CYP2C19: variants seen among roughly 807,000 people sequenced by gnomAD.
CYP2C19 encodes the protein cytochrome P450 family 2 subfamily C member 19.
Under a neutral mutation model 40.9 loss-of-function variants are expected in CYP2C19, and 59 were observed. The ratio of observed to expected loss-of-function variants is 1.44; its 90% CI spans 1.17 to 1.79. The LOEUF is 1.79. CYP2C19 is among the 40% of genes most tolerant of loss of function. CYP2C19 has a pLI of 0.00. For missense variants in CYP2C19, 754 were observed against 596.9 expected, an observed-to-expected ratio of 1.26 and a Z score of -2.74; for synonymous variants, 253 against 208.7, an observed-to-expected ratio of 1.21 and a Z score of -1.83.
At chr10:94,818,939 T>G (rs1481889819) in intron 5 of CYP2C19, among the ~76,000 whole-genome samples, 1 of 151,960 alleles carries the variant, frequency 6.6e-6, no homozygotes, top group Non-Finnish European at 1.5e-5. Context: ...AATATACATT[T>G]TTTTCAGCAC....
At chr10:94,818,936 AT>A (rs1035589606) in intron 5 of CYP2C19, among the ~76,000 whole-genome samples, 1 of 151,910 alleles carries the variant, frequency 6.6e-6, no homozygotes, top group South Asian at 2.1e-4. Flanking sequence ...CAGAATATAC[AT>A]TTTTTTCAGC....
At chr10:94,764,008 T>C (rs1385364780) in intron 1 of CYP2C19, among the ~76,000 whole-genome samples, 1 of 152,084 alleles carries the variant, frequency 6.6e-6, no homozygotes, top group East Asian at 1.9e-4. Flanking sequence ...AAAGGTGGCA[T>C]GTCTGGAGTT....
Position 94,854,667 on chromosome 10 carries a change from C to T in CYP2C19, c.*1753C>T, listed in dbSNP as rs1849705589. 6.6e-6 allele frequency among the ~76,000 whole-genome samples: 1 copy of T among 151,912 alleles called. No homozygotes were observed. Among genetic ancestry groups the T allele is most frequent in the Non-Finnish European group, 1.5e-5 (1 of 68,002 alleles). ...CATGTGTGTGTACATTATGTGCATT[C>T]ACACATAATATATATATGTATAACT... On this transcript the variant is annotated 3_prime_UTR_variant, in exon 9 of 9. Transcript: ENST00000371321.
intron 6 of CYP2C19, among the ~76,000 whole-genome samples, chr10:94,822,519 G>A (rs977564150): frequency 1.3e-5 from 2 of 152,126 alleles, no homozygotes; most frequent in Non-Finnish European, 2.9e-5. Flanking sequence ...ATTGTGAATA[G>A]CACTACAGTG....
chr10:94,837,885 TC>T (rs1343260032), intron 6 of CYP2C19, among the ~76,000 whole-genome samples: 3 of 152,292 alleles, frequency 2.0e-5, no homozygotes, highest in African/African-American at 7.2e-5. Context: ...TCCAGTGGAT[TC>T]CCTTGACATA....
chr10:94,851,778 G>A (rs979879456), intron 8 of CYP2C19, among the ~76,000 whole-genome samples: 1 of 152,122 alleles, frequency 6.6e-6, no homozygotes, highest in African/African-American at 2.4e-5. Flanking sequence ...CAAGGACAGA[G>A]CCCTCCTGAC....
At chr10:94,806,730 T>G (rs1848841736) in intron 5 of CYP2C19, among the ~76,000 whole-genome samples, 1 of 148,700 alleles carries the variant, frequency 6.7e-6, no homozygotes, top group South Asian at 2.1e-4. Flanking sequence ...AAGTATATTA[T>G]TATTGATATA....
chr10:94,828,287 T>G (rs1849264879), intron 6 of CYP2C19, among the ~76,000 whole-genome samples: 1 of 151,760 alleles, frequency 6.6e-6, no homozygotes. Flanking sequence ...ATTATTAATG[T>G]GTGGGAGTCT....
intron 6 of CYP2C19, among the ~76,000 whole-genome samples, chr10:94,832,563 G>A (rs1327278780): frequency 6.6e-6 from 1 of 152,160 alleles, no homozygotes; most frequent in Non-Finnish European, 1.5e-5. Context: ...TCAAGAATGA[G>A]TTCACTCTAG....
intron 5 of CYP2C19, among the ~76,000 whole-genome samples, chr10:94,792,555 A>G (rs901724362): frequency 2.6e-5 from 4 of 152,158 alleles, no homozygotes; most frequent in Admixed American, 6.5e-5. Flanking sequence ...CCTGGTGGTG[A>G]CAAAATTCTT....
At chr10:94,836,116 T>C (rs1168946332) in intron 6 of CYP2C19, among the ~76,000 whole-genome samples, 1 of 152,248 alleles carries the variant, frequency 6.6e-6, no homozygotes, top group Non-Finnish European at 1.5e-5. Context: ...CAGCACTGGC[T>C]CTTCAAGTAA....
At chr10:94,784,330 G>A (rs1848514693) in intron 5 of CYP2C19, among the ~76,000 whole-genome samples, 3 of 151,748 alleles carry the variant, frequency 2.0e-5, no homozygotes, top group Admixed American at 1.3e-4. Flanking sequence ...CCAACTTTTG[G>A]CTCTTATAGA....
intron 5 of CYP2C19, among the ~76,000 whole-genome samples, chr10:94,800,495 G>A (rs1036979123): frequency 6.6e-6 from 1 of 152,222 alleles, no homozygotes; most frequent in Non-Finnish European, 1.5e-5. Flanking sequence ...CCCACTTGAG[G>A]TGGCAGTCTG....
intron 7 of CYP2C19, 121 bp downstream of exon 7, chr10:94,843,145 T>A: frequency 8.2e-7 from 1 of 1,222,432 alleles, no homozygotes; most frequent in Non-Finnish European, 1.2e-6. Context: ...TATGGCAGTT[T>A]AATTGGACTT....
intron 1 of CYP2C19, among the ~76,000 whole-genome samples, chr10:94,771,006 G>T (rs868325404): frequency 1.3e-5 from 2 of 152,066 alleles, no homozygotes; most frequent in Admixed American, 6.5e-5. Context: ...TAAAGGCCAG[G>T]GTTTGATCTA....
At chr10:94,803,581 A>G (rs1257853847) in intron 5 of CYP2C19, among the ~76,000 whole-genome samples, 1 of 152,154 alleles carries the variant, frequency 6.6e-6, no homozygotes, top group Non-Finnish European at 1.5e-5. Context: ...AGTCTTATCT[A>G]GTTTCCCTAA....
chr10:94,823,603 A>G (rs1849163689), intron 6 of CYP2C19, among the ~76,000 whole-genome samples: 1 of 152,206 alleles, frequency 6.6e-6, no homozygotes, highest in African/African-American at 2.4e-5. Flanking sequence ...GGGTCATGGA[A>G]TTTCAGGACA....
intron 5 of CYP2C19, among the ~76,000 whole-genome samples, chr10:94,799,002 A>C (rs1446495342): frequency 6.6e-6 from 1 of 151,844 alleles, no homozygotes; most frequent in African/African-American, 2.4e-5. Flanking sequence ...GCCCATTTAC[A>C]TTTAAGGTTA....
In CYP2C19 at chr10:94,843,025, G is replaced by C. The variant is rs1210563088; in HGVS notation, c.1149+1G>C. 6.2e-7 allele frequency: 1 copy of C among 1,614,110 alleles called. No individual in the cohort carries two copies. The highest frequency in any genetic ancestry group is 8.5e-7 in the Non-Finnish European group (1 of 1,179,994). ...ATTCAGAAACTACCTCATTCCCAAG[G>C]TAAGTTTGTTTCTCCTACACTGCAA... On this transcript the variant is annotated splice_donor_variant, in intron 7 of 8. Transcript: ENST00000371321. LOFTEE classifies it high-confidence loss of function.
Sources: allele counts gnomAD v4.1 joint callset (sites outside exome capture counted in the v4.1 genomes callset), GRCh38; gene constraint gnomAD v4.1.1; transcripts MANE v1.5; gene names NCBI Gene and HGNC (gene_info 2026-07-23, HGNC 2026-07-21).